The following NRIP1 variants were observed in gnomAD, a reference collection of about 807,000 sequenced individuals.
The protein encoded by NRIP1 is nuclear receptor interacting protein 1, also known as nuclear receptor-interacting protein 1.
Under a neutral mutation model 75.0 loss-of-function variants are expected in NRIP1, and 28 were observed. The ratio of observed to expected loss-of-function variants is 0.37; its 90% CI spans 0.28 to 0.51. NRIP1 has a LOEUF of 0.51. Among genes scored for constraint, NRIP1 ranks in the 20% least tolerant of loss-of-function variants. The pLI, the probability that NRIP1 is intolerant of heterozygous loss-of-function variation, is 0.92. For missense variants in NRIP1, 1,435 were observed against 1,343.7 expected (o/e 1.07, Z -1.06); for synonymous variants, 526 against 487.6 (o/e 1.08, Z -1.04).
chr21:15,020,254 C>T (rs764599056), intron 2 of NRIP1, among the ~76,000 whole-genome samples: 2 of 152,144 alleles, frequency 1.3e-5, no homozygotes, highest in African/African-American at 2.4e-5. Context: ...TATAAAGATA[C>T]ACATATAGAC....
intron 3 of NRIP1, among the ~76,000 whole-genome samples, chr21:14,968,827 C>T (rs2086831221): frequency 6.6e-6 from 1 of 152,178 alleles, no homozygotes; most frequent in Non-Finnish European, 1.5e-5. Flanking sequence ...TCTGAATTTT[C>T]ATAAGCACCT....
intron 2 of NRIP1, among the ~76,000 whole-genome samples, chr21:15,028,901 C>T (rs2088582339): frequency 6.6e-6 from 1 of 152,082 alleles, no homozygotes; most frequent in Non-Finnish European, 1.5e-5. Context: ...GGTCTCCAAG[C>T]ATTTCAAGTT....
At chr21:14,998,167 C>T (rs948505607) in intron 3 of NRIP1, among the ~76,000 whole-genome samples, 3 of 152,100 alleles carry the variant, frequency 2.0e-5, no homozygotes, top group South Asian at 4.1e-4. Flanking sequence ...TCATGAGTAG[C>T]CCATGTGGTT....
chr21:14,997,778 G>T (rs1182856266), intron 3 of NRIP1, among the ~76,000 whole-genome samples: 1 of 150,146 alleles, frequency 6.7e-6, no homozygotes, highest in African/African-American at 2.4e-5. Flanking sequence ...TATACTCCAG[G>T]TATTATACAT....
intron 3 of NRIP1, among the ~76,000 whole-genome samples, chr21:14,991,544 T>C (rs2087572314): frequency 6.6e-6 from 1 of 152,086 alleles, no homozygotes; most frequent in Non-Finnish European, 1.5e-5. Context: ...CTGATGTTCC[T>C]TTCAGGCAGA....
chr21:15,025,798 A>C (rs1017315082), intron 2 of NRIP1, among the ~76,000 whole-genome samples: 1 of 152,196 alleles, frequency 6.6e-6, no homozygotes, highest in African/African-American at 2.4e-5. Context: ...ACCCTAAAGG[A>C]AAAGATATTC....
intron 3 of NRIP1, among the ~76,000 whole-genome samples, chr21:15,013,494 A>G (rs1305081463): frequency 6.6e-6 from 1 of 152,018 alleles, no homozygotes; most frequent in Non-Finnish European, 1.5e-5. Context: ...CTCTTTGACC[A>G]GAGTTTTTCA....
At chr21:15,047,530 A>ACTT (rs1203869211) in intron 1 of NRIP1, among the ~76,000 whole-genome samples, 1 of 152,214 alleles carries the variant, frequency 6.6e-6, no homozygotes, top group African/African-American at 2.4e-5. Flanking sequence ...GCAGAGCGAG[A>ACTT]CTTCTTCTCA....
rs148200254 is a variant in NRIP1 at position 15,029,073 on chromosome 21, T to C, written c.-458+14422A>G. On this transcript the variant is annotated intron_variant, in intron 2 of 3. Coordinates refer to ENST00000318948, the MANE Select transcript of NRIP1 (RefSeq NM_003489.4). ...TACCTTGGAATCCAGAATCCAGAAT[T>C]CAGCTACTTCTTACTGTCCCCATTC... Among the ~76,000 whole-genome samples, 22 of 152,236 alleles carry C rather than the reference T, an allele frequency of 1.4e-4. No individual in the cohort carries two copies. In the East Asian group the frequency reaches 4.1e-3, roughly 28 times the overall value.
chr21:14,968,836 C>T (rs1472805331), intron 3 of NRIP1, among the ~76,000 whole-genome samples: 1 of 152,144 alleles, frequency 6.6e-6, no homozygotes, highest in Admixed American at 6.5e-5. Flanking sequence ...TCATAAGCAC[C>T]TTTCTGCAAA....
At chr21:15,033,633 T>G (rs1041029170) in intron 2 of NRIP1, among the ~76,000 whole-genome samples, 3 of 152,252 alleles carry the variant, frequency 2.0e-5, no homozygotes, top group African/African-American at 7.2e-5. Flanking sequence ...TCAGTTATCA[T>G]TATTAACTTT....
intron 3 of NRIP1, among the ~76,000 whole-genome samples, chr21:14,986,392 C>T (rs955337251): frequency 2.0e-5 from 3 of 152,164 alleles, no homozygotes; most frequent in Non-Finnish European, 4.4e-5. Context: ...CGTGTCATTG[C>T]CACGGCTTTC....
intron 3 of NRIP1, among the ~76,000 whole-genome samples, chr21:14,984,028 G>C (rs1275496349): frequency 6.6e-6 from 1 of 152,170 alleles, no homozygotes; most frequent in East Asian, 1.9e-4. Flanking sequence ...GGATCAAAGA[G>C]TAATTTTGAC....
At chr21:14,997,723 A>C (rs1282906816) in intron 3 of NRIP1, among the ~76,000 whole-genome samples, 1 of 148,758 alleles carries the variant, frequency 6.7e-6, no homozygotes, top group Non-Finnish European at 1.5e-5. Flanking sequence ...ATTTATATAT[A>C]TACACATAAA....
At chr21:14,969,542 A>C (rs2086849076) in intron 3 of NRIP1, among the ~76,000 whole-genome samples, 1 of 152,232 alleles carries the variant, frequency 6.6e-6, no homozygotes, top group Admixed American at 6.5e-5. Context: ...GTAAGTGTCA[A>C]AATTGACCTA....
At chr21:14,973,919 A>G (rs1474172929) in intron 3 of NRIP1, among the ~76,000 whole-genome samples, 1 of 149,470 alleles carries the variant, frequency 6.7e-6, no homozygotes, top group Non-Finnish European at 1.5e-5. Context: ...TCTTAGCCTC[A>G]AGTGGTCCTC....
At chr21:15,002,104 G>A (rs1195412307) in intron 3 of NRIP1, 1 of 152,120 alleles carries the variant, frequency 6.6e-6, no homozygotes, top group Admixed American at 6.6e-5. Flanking sequence ...TACAGCACGT[G>A]CCCTAGAAAG....
intron 1 of NRIP1, among the ~76,000 whole-genome samples, chr21:15,055,491 A>G (rs1403854867): frequency 6.6e-6 from 1 of 152,218 alleles, no homozygotes; most frequent in Non-Finnish European, 1.5e-5. Flanking sequence ...AAATCCTAAG[A>G]CTTTTATGAA....
At chr21:15,016,755 G>C (rs1168216602) in intron 2 of NRIP1, among the ~76,000 whole-genome samples, 1 of 151,846 alleles carries the variant, frequency 6.6e-6, no homozygotes, top group Admixed American at 6.6e-5. Flanking sequence ...TGTGGTGGTG[G>C]GCACCTGTAG....
Sources: allele counts gnomAD v4.1 joint callset (sites outside exome capture counted in the v4.1 genomes callset), GRCh38; gene constraint gnomAD v4.1.1; transcripts MANE v1.5; gene names NCBI Gene and HGNC (gene_info 2026-07-23, HGNC 2026-07-21).